TYR: variants seen among roughly 807,000 people sequenced by gnomAD.
TYR encodes the protein tyrosinase.
TYR carries 58 observed loss-of-function variants against 51.5 expected under a neutral mutation model. That is an observed-to-expected ratio of 1.13 (90% CI 0.91 to 1.40). The LOEUF is 1.40. Among genes scored for constraint, TYR ranks in the 40% most tolerant of loss-of-function variants. The pLI, the probability that TYR is intolerant of heterozygous loss-of-function variation, is 0.00. For missense variants in TYR, 732 were observed against 647.4 expected, an observed-to-expected ratio of 1.13 and a Z score of -1.42; for synonymous variants, 263 against 235.2, an observed-to-expected ratio of 1.12 and a Z score of -1.08.
intron 1 of TYR, among the ~76,000 whole-genome samples, chr11:89,187,282 G>GT (rs1943387474): frequency 6.6e-6 from 1 of 152,106 alleles, no homozygotes; most frequent in Non-Finnish European, 1.5e-5. Flanking sequence ...ATATTTACAG[G>GT]TAAGACAGAC....
rs181726704 is a variant in TYR at position 89,206,230 on chromosome 11, A to G, written c.1036+14812A>G. ...GAGATTGGGAGACTAGATTTTATTT[A>G]AAAATGACCTATATTGAGCCTAGAG... On this transcript the variant is annotated intron_variant, in intron 2 of 4. Coordinates refer to ENST00000263321, the MANE Select transcript of TYR (RefSeq NM_000372.5). 1.9e-4 allele frequency among the ~76,000 whole-genome samples: 29 copies of G among 152,254 alleles called. No individual in the cohort carries two copies. In the South Asian group the frequency reaches 2.3e-3, roughly 12 times the overall value.
At chr11:89,181,542 T>G (rs1414346077) in intron 1 of TYR, among the ~76,000 whole-genome samples, 1 of 152,200 alleles carries the variant, frequency 6.6e-6, no homozygotes, top group African/African-American at 2.4e-5. Flanking sequence ...GTTTCTAGAT[T>G]GAGTTAAGAC....
intron 2 of TYR, among the ~76,000 whole-genome samples, chr11:89,202,985 A>G (rs1213290632): frequency 6.6e-6 from 1 of 152,186 alleles, no homozygotes; most frequent in Non-Finnish European, 1.5e-5. Flanking sequence ...TGCAAGTCTG[A>G]TCATTAGCCT....
At position 89,290,066 on chromosome 11, in the gene TYR, A is replaced by G. The variant is rs148324375; in HGVS notation, c.1367-5077A>G. On this transcript the variant is annotated intron_variant, in intron 4 of 4. Coordinates refer to ENST00000263321, the MANE Select transcript of TYR (RefSeq NM_000372.5). ...ACTACTTCATGTGTTTGTTTTGTGA[A>G]TAAATGGGCATGTTAATGCACTTTG... Among the ~76,000 whole-genome samples, 77 of 152,176 alleles carry G rather than the reference A, an allele frequency of 5.1e-4. 1 individual carries two copies. The highest frequency in any genetic ancestry group is 1.8e-3 in the African/African-American group (74 of 41,548).
At chr11:89,256,873 A>G (rs906944724) in intron 3 of TYR, among the ~76,000 whole-genome samples, 4 of 151,956 alleles carry the variant, frequency 2.6e-5, no homozygotes, top group African/African-American at 9.7e-5. Context: ...GCTTTAGTCA[A>G]CTGGTACTGA....
At position 89,295,167 on chromosome 11, in the gene TYR, T is replaced by C; in HGVS notation, c.1391T>C (p.Ile464Thr). The C allele has an allele frequency of 6.2e-7, 1 of 1,613,988 alleles. No homozygotes were observed. The highest frequency in any genetic ancestry group is 8.5e-7 in the Non-Finnish European group (1 of 1,179,862). ...DSDPDSFQDY[I>T]KSYLEQASRI... Reference sequence around the variant, plus strand: ...GACCCAGACTCTTTTCAAGACTACATTAAGTCCTATTTGGAACAAGCGAGT... The same window carrying C: ...GACCCAGACTCTTTTCAAGACTACACTAAGTCCTATTTGGAACAAGCGAGT... Residue 464 changes from isoleucine to threonine, a missense_variant, in exon 5 of 5, where the codon ATT (isoleucine) becomes ACT (threonine). Physicochemically the swap from Ile to Thr is moderately conservative, Grantham distance 89 (BLOSUM62 -1). Coordinates refer to ENST00000263321, the MANE Select transcript of TYR (RefSeq NM_000372.5).
chr11:89,295,345 C>A lies in TYR; in HGVS notation c.1569C>A (p.Ser523Arg). 6.2e-7 allele frequency: 1 copy of A among 1,612,106 alleles called. No homozygotes were observed. The highest frequency in any genetic ancestry group is 8.5e-7 in the Non-Finnish European group (1 of 1,178,786). The change falls in exon 5 of 5, where the codon AGC becomes AGA. Residue 523 changes from serine (S) to arginine (R), a missense_variant. Physicochemically the swap from Ser to Arg is moderately radical, Grantham distance 110. Transcript: ENST00000263321. ...TCATGGAGAAAGAGGATTACCACAG[C>A]TTGTATCAGAGCCATTTATAAAAGG... The part of the protein sequence containing the change: ...PLLMEKEDYH[S>R]LYQSHL
At chr11:89,241,022 T>C (rs1944186535) in intron 3 of TYR, among the ~76,000 whole-genome samples, 1 of 151,996 alleles carries the variant, frequency 6.6e-6, no homozygotes, top group Admixed American at 6.6e-5. Context: ...GGTTGAAGAG[T>C]TGTTTATTCT....
chr11:89,242,403 G>C (rs1018166495), intron 3 of TYR, among the ~76,000 whole-genome samples: 16 of 151,944 alleles, frequency 1.1e-4, no homozygotes, highest in African/African-American at 3.1e-4. Context: ...GTAGAGGCAG[G>C]GTTTCACCAT....
At chr11:89,219,851 C>G (rs905109245) in intron 2 of TYR, among the ~76,000 whole-genome samples, 3 of 152,080 alleles carry the variant, frequency 2.0e-5, no homozygotes, top group African/African-American at 7.2e-5. Context: ...AGGGCCTTTT[C>G]TACCCCAAGA....
intron 3 of TYR, among the ~76,000 whole-genome samples, chr11:89,269,052 C>A (rs1313038908): frequency 1.3e-5 from 2 of 151,904 alleles, no homozygotes; most frequent in African/African-American, 4.8e-5. Context: ...GTGTTTATCA[C>A]AACATGGAGA....
rs1466354896 is a variant in TYR, at chr11:89,178,106, C to A, written c.153C>A (p.Gly51=). Residue 51 remains glycine, a synonymous_variant, in exon 1 of 5, where the codon GGC becomes GGA. Transcript: ENST00000263321. ...GDRSPCGQLS[G]RGSCQNILLS... is the part of the protein sequence containing the mutation. ...GGAGTCCCTGTGGCCAGCTTTCAGG[C>A]AGAGGTTCCTGTCAGAATATCCTTC... The A allele has an allele frequency of 4.3e-6, 7 of 1,614,198 alleles. No individual in the cohort carries two copies. In the South Asian group the frequency reaches 7.7e-5, roughly 18 times the overall value.
rs536329151 is a variant in TYR, at chr11:89,295,687, C to T, written c.*321C>T. On this transcript the variant is annotated 3_prime_UTR_variant, in exon 5 of 5. Coordinates refer to ENST00000263321, the MANE Select transcript of TYR (RefSeq NM_000372.5). ...AAATTGAAATAATTTTGATTTTTGCCTTCTGATTATTTAAAGATCTATATA... is the reference window on the plus strand; with the variant it reads ...AAATTGAAATAATTTTGATTTTTGCTTTCTGATTATTTAAAGATCTATATA... The T allele has an allele frequency of 4.6e-4, 146 of 315,120 alleles. No homozygotes were observed. The highest frequency in any genetic ancestry group is 2.9e-3 in the African/African-American group (134 of 46,402). 19.5% of individuals were successfully genotyped at this position (315,120 alleles called of 1,614,324 possible).
At chr11:89,269,751 C>T (rs1443049410) in intron 3 of TYR, among the ~76,000 whole-genome samples, 15 of 151,838 alleles carry the variant, frequency 9.9e-5, no homozygotes, top group Admixed American at 9.9e-4. Context: ...GCTATTTATT[C>T]CTGACAATCT....
At chr11:89,237,532 T>C (rs907533471) in intron 3 of TYR, among the ~76,000 whole-genome samples, 20 of 152,190 alleles carry the variant, frequency 1.3e-4, no homozygotes, top group African/African-American at 4.1e-4. Flanking sequence ...GGATGTCTAT[T>C]CTTTTCCATT....
intron 2 of TYR, among the ~76,000 whole-genome samples, chr11:89,217,701 T>C (rs1011373452): frequency 2.0e-5 from 3 of 152,228 alleles, no homozygotes; most frequent in African/African-American, 7.2e-5. Flanking sequence ...CAGTAATTCC[T>C]GAACTTTAGT....
At chr11:89,195,864 G>A (rs1943512472) in intron 2 of TYR, among the ~76,000 whole-genome samples, 2 of 151,908 alleles carry the variant, frequency 1.3e-5, no homozygotes, top group African/African-American at 4.8e-5. Context: ...GTATTTCAGA[G>A]TTTACAAGAG....
intron 2 of TYR, among the ~76,000 whole-genome samples, chr11:89,204,105 A>C (rs1943638191): frequency 6.6e-6 from 1 of 152,194 alleles, no homozygotes; most frequent in Admixed American, 6.5e-5. Context: ...GGCAGTAAAA[A>C]GAGGAATCCT....
chr11:89,256,875 T>G (rs1267010999), intron 3 of TYR, among the ~76,000 whole-genome samples: 1 of 151,936 alleles, frequency 6.6e-6, no homozygotes, highest in Non-Finnish European at 1.5e-5. Flanking sequence ...TTTAGTCAAC[T>G]GGTACTGATA....
Sources: gnomAD v4.1 joint callset for allele counts (sites outside exome capture counted in the v4.1 genomes callset) on GRCh38, gnomAD v4.1.1 for gene constraint, MANE v1.5 for transcripts, NCBI Gene and HGNC (gene_info 2026-07-23, HGNC 2026-07-21) for gene names.